Variants in USO1 observed in about 807,000 individuals in gnomAD.
USO1 encodes USO1 vesicle transport factor, also known as general vesicular transport factor p115.
Under a neutral mutation model 124.5 loss-of-function variants are expected in USO1, and 57 were observed. The ratio of observed to expected loss-of-function variants is 0.46; its 90% CI spans 0.37 to 0.57. USO1 has a LOEUF of 0.57. Among genes scored for constraint, USO1 ranks in the 20% least tolerant of loss-of-function variants. The probability of loss-of-function intolerance (pLI) is 0.00; values close to 1 mark genes in which losing one functional copy is unlikely to be tolerated. For synonymous variants in USO1, 369 were observed against 362.8 expected (o/e 1.02, Z -0.19); for missense variants, 900 against 1,040.6 (o/e 0.86, Z 1.86).
Position 75,734,718 on chromosome 4 carries a change from C to CTTTTTTTTTTT in USO1, c.66+9851_66+9861dup, listed in dbSNP as rs55928639. 1.9e-3 allele frequency among the ~76,000 whole-genome samples: 90 copies of CTTTTTTTTTTT among 47,466 alleles called. 31 individuals are homozygous for CTTTTTTTTTTT. Among genetic ancestry groups the CTTTTTTTTTTT allele is most frequent in the Admixed American group, 3.6e-3 (9 of 2,522 alleles). 31.1% of individuals were successfully genotyped at this position (47,466 alleles called of 152,430 possible). ...CTGTAGATTGCTTTGGGCAGTATGG[C>CTTTTTTTTTTT]TTTTTTTTTTTTTTTTTTTTTTTTT... On this transcript the variant is annotated intron_variant, in intron 1 of 23. Transcript: ENST00000514213.
chr4:75,770,700 TTA>T lies in USO1; in HGVS notation c.397-121_397-120del. The T allele has an allele frequency of 3.8e-6, 3 of 791,302 alleles. 1 individual carries two copies. In the South Asian group the frequency reaches 8.6e-5, roughly 23 times the overall value. The allele number at this position is 791,302 out of a possible 1,614,324, so 49.0% of individuals were successfully genotyped here. A position where few individuals can be genotyped will look rare whatever the true frequency, so the allele number is the denominator to read the frequency against. On this transcript the variant is annotated intron_variant, in intron 5 of 23. Transcript: ENST00000514213. The stretch of plus-strand genomic sequence containing the variant: ...GATGTTTCAAGAACTATGTAATCAC[TTA>T]AAGTATGCTAAACTTCCATGTTTTA...
intron 4 of USO1, among the ~76,000 whole-genome samples, chr4:75,768,067 A>G (rs1319176151): frequency 6.6e-6 from 1 of 151,910 alleles, no homozygotes; most frequent in Non-Finnish European, 1.5e-5. Context: ...CCCAGGCTAG[A>G]GTTCAGTGGT....
At chr4:75,774,421 A>G (rs1036817126) in intron 7 of USO1, among the ~76,000 whole-genome samples, 6 of 152,236 alleles carry the variant, frequency 3.9e-5, no homozygotes, top group Non-Finnish European at 8.8e-5. Flanking sequence ...TAGTATGTTT[A>G]TATCATAAAG....
intron 8 of USO1, among the ~76,000 whole-genome samples, chr4:75,782,042 G>T (rs1169198643): frequency 6.6e-6 from 1 of 152,096 alleles, no homozygotes; most frequent in Non-Finnish European, 1.5e-5. Flanking sequence ...AACCATGGAG[G>T]ACAGAAACAA....
chr4:75,763,509 A>G (rs571948155), intron 4 of USO1, among the ~76,000 whole-genome samples: 2 of 152,330 alleles, frequency 1.3e-5, no homozygotes, highest in South Asian at 2.1e-4. Context: ...TTTTCAACCT[A>G]TGATATTTTC....
chr4:75,807,421 C>G (rs2149194660), intron 20 of USO1, among the ~76,000 whole-genome samples: 1 of 151,236 alleles, frequency 6.6e-6, no homozygotes, highest in South Asian at 2.1e-4. Flanking sequence ...CCTCACTAAC[C>G]TAGGACTAAC....
In USO1 at chr4:75,812,350, A is replaced by G. The variant is rs771397736; in HGVS notation, c.2774A>G (p.Asn925Ser). The G allele has an allele frequency of 1.3e-6, 2 of 1,596,474 alleles. No homozygotes were observed. The highest frequency in any genetic ancestry group is 1.7e-6 in the Non-Finnish European group (2 of 1,170,996). ...DQDQKILSLK[N>S]KLKDLGHPVE... ...GATCAGAAAATACTGTCATTGAAGA[A>G]TAAACTCAAGGATCTTGGTCATCCA... Residue 925 changes from asparagine to serine, a missense_variant, in exon 23 of 24, where the codon AAT becomes AGT. Asn to Ser is a conservative substitution (Grantham distance 46). Transcript: ENST00000514213.
At chr4:75,790,590 G>A in intron 11 of USO1, 53 bp from the exon 12 acceptor site, 3 of 1,566,098 alleles carry the variant, frequency 1.9e-6, no homozygotes. Flanking sequence ...TTATTGACTT[G>A]TATACTTGGG....
chr4:75,800,419 G>C lies in USO1; in HGVS notation c.1632G>C (p.Leu544Phe). 6 of 1,597,580 alleles carry C rather than the reference G, an allele frequency of 3.8e-6. No individual in the cohort carries two copies. Among genetic ancestry groups the C allele is most frequent in the Non-Finnish European group, 5.1e-6 (6 of 1,171,506 alleles). ...TGGTCCAAGGCTTATGTGCCCTTTT[G>C]TTGGGCATTTCGATTTATTTCAATG... ...EQLVQGLCAL[L>F]LGISIYFNDN... The change falls in exon 15 of 24, where the codon TTG (leucine) becomes TTC (phenylalanine). Residue 544 changes from leucine to phenylalanine, a missense_variant. By Grantham distance (22) the Leu-to-Phe change is conservative (BLOSUM62 0). This residue lies in a region of USO1 where 538 missense variants were observed against 681.6 expected (regional missense o/e 0.79). Transcript: ENST00000514213.
intron 23 of USO1, 120 bp downstream of exon 23, chr4:75,812,495 A>C (rs1480981758): frequency 5.6e-6 from 7 of 1,240,862 alleles, no homozygotes; most frequent in Non-Finnish European, 6.6e-6. Context: ...ATGTGGGTTC[A>C]TGAATATGGT....
chr4:75,779,095 C>T (rs1405867266), intron 8 of USO1, among the ~76,000 whole-genome samples: 1 of 152,024 alleles, frequency 6.6e-6, no homozygotes, highest in Non-Finnish European at 1.5e-5. Context: ...TTTTGGGGTA[C>T]CACAAACAGT....
intron 1 of USO1, among the ~76,000 whole-genome samples, chr4:75,747,719 C>T (rs1721167343): frequency 6.7e-6 from 1 of 148,540 alleles, no homozygotes; most frequent in African/African-American, 2.5e-5. Flanking sequence ...ATGCCATTCT[C>T]CTGCCTCAGC....
rs543661078 is a variant in USO1 at position 75,779,714 on chromosome 4, A to G, written c.677-2966A>G. Among the ~76,000 whole-genome samples the G allele has an allele frequency of 1.3e-3, 198 of 152,350 alleles. 1 individual carries two copies. The highest frequency in any genetic ancestry group is 4.6e-3 in the African/African-American group (193 of 41,584). ...AGATGTTGCTGCGTGAGATCTAAGG[A>G]AAGAAGCTGTCTCCCTAACAAAAGT... On this transcript the variant is annotated intron_variant, in intron 8 of 23. Coordinates refer to ENST00000514213, the MANE Select transcript of USO1 (RefSeq NM_003715.4).
At chr4:75,746,625 G>A (rs1175532869) in intron 1 of USO1, among the ~76,000 whole-genome samples, 1 of 152,070 alleles carries the variant, frequency 6.6e-6, no homozygotes, top group African/African-American at 2.4e-5. Context: ...CTTTCATTTG[G>A]CTTCAGTTGT....
intron 12 of USO1, 110 bp downstream of exon 12, chr4:75,790,907 G>GAA: frequency 8.1e-7 from 1 of 1,234,988 alleles, no homozygotes; most frequent in Non-Finnish European, 1.0e-6. Context: ...GCATGCTTAG[G>GAA]AGAGAAAAAA....
intron 7 of USO1, among the ~76,000 whole-genome samples, chr4:75,772,796 A>T (rs949108327): frequency 1.3e-5 from 2 of 152,000 alleles, no homozygotes; most frequent in East Asian, 1.9e-4. Context: ...AAGTGCTCTT[A>T]AAAAAAATAA....
chr4:75,777,094 C>T (rs550581719), intron 8 of USO1, among the ~76,000 whole-genome samples: 3 of 152,194 alleles, frequency 2.0e-5, no homozygotes, highest in African/African-American at 7.2e-5. Flanking sequence ...TTTAAAATTA[C>T]TTTTCTATCT....
At position 75,768,203 on chromosome 4, in the gene USO1, A is replaced by G. The variant is rs555973329; in HGVS notation, c.296-2236A>G. Among the ~76,000 whole-genome samples the G allele has an allele frequency of 1.4e-4, 21 of 152,168 alleles. No individual in the cohort carries two copies. The South Asian group carries it at 3.9e-3, about 29-fold the overall frequency. On this transcript the variant is annotated intron_variant, in intron 4 of 23. Transcript: ENST00000514213. ...GCCTAAATTTTTATTTTTTGTAGAGACAAGTTCTCACTATGTTGCCCAGGC... is the reference window on the plus strand; with the variant it reads ...GCCTAAATTTTTATTTTTTGTAGAGGCAAGTTCTCACTATGTTGCCCAGGC...
chr4:75,769,930 T>A (rs556952193), intron 4 of USO1, among the ~76,000 whole-genome samples: 1 of 152,222 alleles, frequency 6.6e-6, no homozygotes, highest in Non-Finnish European at 1.5e-5. Context: ...TGGAGTAGAT[T>A]GGTTTAATTT....
Sources: gnomAD v4.1 joint callset for allele counts (sites outside exome capture counted in the v4.1 genomes callset) on GRCh38, gnomAD v4.1.1 for gene constraint, gnomAD v4.1.1 regional missense constraint, MANE v1.5 for transcripts, NCBI Gene and HGNC (gene_info 2026-07-23, HGNC 2026-07-21) for gene names.